Variants in CPNE1 observed in about 807,000 individuals in gnomAD.
The protein encoded by CPNE1 is copine-1.
In CPNE1, 58 loss-of-function variants were observed where a neutral mutation model predicts 63.2. The observed-to-expected ratio is 0.92, with a 90% CI of 0.74 to 1.14. The LOEUF is 1.14. Ranked by LOEUF, CPNE1 falls within the 50% of genes most tolerant of loss-of-function variation. The probability of loss-of-function intolerance (pLI) is 0.00; values close to 1 mark genes in which losing one functional copy is unlikely to be tolerated. For synonymous variants in CPNE1, 237 were observed against 249.0 expected, an observed-to-expected ratio of 0.95 and a Z score of 0.45; for missense variants, 672 against 661.7, an observed-to-expected ratio of 1.02 and a Z score of -0.17.
In CPNE1 at chr20:35,626,918, T is replaced by A. The variant is rs1300109979; in HGVS notation, c.1237-115A>T. 6.8e-6 allele frequency: 6 copies of A among 879,478 alleles called. No individual in the cohort carries two copies. In the African/African-American group the frequency reaches 9.8e-5, roughly 14 times the overall value. 54.5% of individuals were successfully genotyped at this position (879,478 alleles called of 1,614,324 possible). A position where few individuals can be genotyped will look rare whatever the true frequency, so the allele number is the denominator to read the frequency against. On this transcript the variant is annotated intron_variant, in intron 14 of 15. Transcript: ENST00000397443. ...GTCCCTTGTTACAGGCCGGGTGCGA[T>A]GGCTCACACCTGTAATCCCAGCACT...
chr20:35,654,772 G>C, intron 1 of CPNE1: 1 of 1,614,002 alleles, frequency 6.2e-7, no homozygotes, highest in Non-Finnish European at 8.5e-7. Context: ...CGGCGGGACT[G>C]TGTTCATTGG....
chr20:35,656,770 G>A (rs868371872), intron 1 of CPNE1, among the ~76,000 whole-genome samples: 15 of 147,150 alleles, frequency 1.0e-4, no homozygotes, highest in Non-Finnish European at 2.2e-4. Flanking sequence ...GTCTTCCAAA[G>A]TGCTGGGATT....
At position 35,631,294 on chromosome 20, in the gene CPNE1, C is replaced by T; in HGVS notation, c.775G>A (p.Gly259Arg). The change falls in exon 9 of 16, where the codon GGA becomes AGA. Residue 259 changes from glycine to arginine, a missense_variant. Gly to Arg is a moderately radical substitution (Grantham distance 125). Transcript: ENST00000397443. ...QQKKKSYKNS[G>R]TIRVKICRVE... ...CGACAAATCTTGACACGGATAGTTC[C>T]AGAGTTCTTGTAGCTTTTCTTTTTC... The T allele has an allele frequency of 6.2e-7, 1 of 1,614,150 alleles. No homozygotes were observed. The highest frequency in any genetic ancestry group is 8.5e-7 in the Non-Finnish European group (1 of 1,180,024).
In CPNE1 at chr20:35,631,998, G is replaced by T. The variant is rs780895693; in HGVS notation, c.484C>A (p.Leu162Met). Residue 162 changes from leucine to methionine, a missense_variant, in exon 6 of 16, where the codon CTG becomes ATG. By Grantham distance (15) the Leu-to-Met change is conservative. Coordinates refer to ENST00000397443, the MANE Select transcript of CPNE1 (RefSeq NM_152925.3). The part of the protein sequence containing the change: ...KDFLGKSDPF[L>M]EFFRQGDGKW... ...CCATCACCCTGGCGGAAGAACTCCA[G>T]AAATGGATCTGATTTTCCCAGGAAG... 2 of 1,614,082 alleles carry T rather than the reference G, an allele frequency of 1.2e-6. No homozygotes were observed. Among genetic ancestry groups the T allele is most frequent in the South Asian group, 2.2e-5 (2 of 91,082 alleles).
At position 35,631,534 on chromosome 20, in the gene CPNE1, G is replaced by A. The variant is rs756128504; in HGVS notation, c.672C>T (p.Ile224=). 8.1e-6 allele frequency: 13 copies of A among 1,614,044 alleles called. No individual in the cohort carries two copies. Among genetic ancestry groups the A allele is most frequent in the South Asian group, 5.5e-5 (5 of 91,068 alleles). The change falls in exon 8 of 16, where the codon ATC becomes ATT. Residue 224 remains isoleucine, a synonymous_variant. Coordinates refer to ENST00000397443, the MANE Select transcript of CPNE1 (RefSeq NM_152925.3). The part of the protein sequence containing the change: ...DYDSDGSHDL[I]GTFHTSLAQL... ...GGGCCAAGCTGGTGTGGAAGGTACC[G>A]ATGAGATCATGTGACCCGTCACTGT...
rs773193622 is a variant in CPNE1, at chr20:35,632,936, G to A, written c.1-13C>T. 1.2e-5 allele frequency: 10 copies of A among 868,488 alleles called. No individual in the cohort carries two copies. The highest frequency in any genetic ancestry group is 2.6e-5 in the South Asian group (2 of 75,738). The allele number at this position is 868,488 out of a possible 1,614,324, so 53.8% of individuals were successfully genotyped here. ...CGCAGTGGGCCATCTGAGGGAAAAG[G>A]AGCTGGGTCAAGCACCAGGGAGCCT... is the stretch of plus-strand genomic sequence containing the variant. On this transcript the variant is annotated splice_polypyrimidine_tract_variant and intron_variant, in intron 1 of 15. Transcript: ENST00000397443.
At chr20:35,652,977 T>C (rs760180903) in intron 1 of CPNE1, 5 of 1,613,714 alleles carry the variant, frequency 3.1e-6, no homozygotes, top group African/African-American at 2.7e-5. Flanking sequence ...CAAATCCCGA[T>C]GGCCCACTTA....
intron 1 of CPNE1, chr20:35,652,458 A>G: frequency 1.3e-6 from 2 of 1,513,522 alleles, no homozygotes; most frequent in South Asian, 1.3e-5. Context: ...AAATACTAGG[A>G]AAACAATCTG....
At chr20:35,648,064 C>CAAAA (rs35084370) in intron 1 of CPNE1, among the ~76,000 whole-genome samples, 3,286 of 131,354 alleles carry the variant, frequency 0.025, 47 homozygotes, top group South Asian at 0.1. Flanking sequence ...GACTCCATCT[C>CAAAA]AAAAAAAAAA....
chr20:35,651,967 C>G (rs963759111), intron 1 of CPNE1: 1 of 152,504 alleles, frequency 6.6e-6, no homozygotes, highest in Admixed American at 6.5e-5. Context: ...ACTTCTGAAG[C>G]AGGACTGTCT....
At chr20:35,631,434 C>T in intron 8 of CPNE1, 58 bp downstream of exon 8, 1 of 1,601,658 alleles carries the variant, frequency 6.2e-7, no homozygotes, top group South Asian at 1.1e-5. Context: ...CTTCCTCTCT[C>T]CCACAAGCTT....
intron 1 of CPNE1, among the ~76,000 whole-genome samples, chr20:35,643,954 G>C (rs2032968413): frequency 6.6e-6 from 1 of 152,154 alleles, no homozygotes. Flanking sequence ...GGGGATAGTT[G>C]AGGGAGGGTT....
chr20:35,644,387 T>C (rs2032995075), intron 1 of CPNE1, among the ~76,000 whole-genome samples: 2 of 152,158 alleles, frequency 1.3e-5, no homozygotes, highest in Non-Finnish European at 2.9e-5. Flanking sequence ...GTAGAATCAC[T>C]ACCACACTAG....
intron 1 of CPNE1, among the ~76,000 whole-genome samples, chr20:35,663,352 A>G (rs1185525073): frequency 6.6e-6 from 1 of 152,228 alleles, no homozygotes; most frequent in Non-Finnish European, 1.5e-5. Context: ...ACTAGTTAAC[A>G]AGGTCCCAGA....
intron 1 of CPNE1, among the ~76,000 whole-genome samples, chr20:35,644,573 C>T (rs1405784086): frequency 6.6e-6 from 1 of 152,190 alleles, no homozygotes; most frequent in East Asian, 1.9e-4. Flanking sequence ...GTAAAAGAAA[C>T]ACTGAGGCCA....
intron 1 of CPNE1, chr20:35,655,257 G>A: frequency 6.2e-7 from 1 of 1,613,242 alleles, no homozygotes; most frequent in Non-Finnish European, 8.5e-7. Flanking sequence ...ATCCAGAGAA[G>A]AAGTGGCGAA....
chr20:35,633,431 T>C (rs1240788628), intron 1 of CPNE1, among the ~76,000 whole-genome samples: 2 of 152,238 alleles, frequency 1.3e-5, no homozygotes, highest in Non-Finnish European at 2.9e-5. Context: ...CTAACTCTTG[T>C]GGTGGAGTTA....
intron 1 of CPNE1, chr20:35,655,216 A>T: frequency 6.2e-7 from 1 of 1,614,050 alleles, no homozygotes; most frequent in South Asian, 1.1e-5. Flanking sequence ...TTCACCCCCT[A>T]CAATATGCAC....
At chr20:35,627,935 A>G (rs2031864122) in intron 13 of CPNE1, among the ~76,000 whole-genome samples, 2 of 152,018 alleles carry the variant, frequency 1.3e-5, no homozygotes, top group African/African-American at 4.8e-5. Flanking sequence ...GCTTGAGCCC[A>G]GGGGTTCAAG....
Sources: allele counts gnomAD v4.1 joint callset (sites outside exome capture counted in the v4.1 genomes callset), GRCh38; gene constraint gnomAD v4.1.1; transcripts MANE v1.5; gene names NCBI Gene and HGNC (gene_info 2026-07-23, HGNC 2026-07-21).